The following PTPRA variants were observed in gnomAD, a reference collection of about 807,000 sequenced individuals.
The protein encoded by PTPRA is protein tyrosine phosphatase receptor type A, also known as receptor-type tyrosine-protein phosphatase alpha.
A neutral mutation model predicts 104.8 loss-of-function variants in PTPRA; 25 were observed. The observed-to-expected ratio is 0.24, with a 90% CI of 0.17 to 0.33. The LOEUF is 0.33. Ranked by LOEUF, PTPRA falls within the 10% of genes least tolerant of loss-of-function variation. The probability of loss-of-function intolerance (pLI) is 1.00; values close to 1 mark genes in which losing one functional copy is unlikely to be tolerated. For synonymous variants in PTPRA, 323 were observed against 368.9 expected, an observed-to-expected ratio of 0.88 and a Z score of 1.43; for missense variants, 765 against 1,015.3, an observed-to-expected ratio of 0.75 and a Z score of 3.35.
At chr20:2,988,203 G>A in intron 8 of PTPRA, 98 bp downstream of exon 8, 3 of 1,512,266 alleles carry the variant, frequency 2.0e-6, no homozygotes, top group Admixed American at 4.0e-5. Flanking sequence ...ACAATAAAAA[G>A]AGGAAAAAAG....
At chr20:2,981,116 C>G (rs1430479763) in intron 6 of PTPRA, among the ~76,000 whole-genome samples, 1 of 151,802 alleles carries the variant, frequency 6.6e-6, no homozygotes, top group Non-Finnish European at 1.5e-5. Flanking sequence ...GCAGTGTAGA[C>G]CTGCTCTGGT....
At chr20:2,923,496 T>TTA (rs1035786433) in intron 2 of PTPRA, among the ~76,000 whole-genome samples, 30 of 149,966 alleles carry the variant, frequency 2.0e-4, no homozygotes, top group Admixed American at 2.0e-3. Context: ...TTTTTTTTTT[T>TTA]AAAAAAAAAG....
intron 9 of PTPRA, among the ~76,000 whole-genome samples, chr20:2,997,072 T>C (rs1035896342): frequency 1.3e-5 from 2 of 152,252 alleles, no homozygotes; most frequent in African/African-American, 4.8e-5. Context: ...TATGATATTC[T>C]ATACTATCAT....
chr20:3,000,253 A>C (rs1462613462), intron 9 of PTPRA, among the ~76,000 whole-genome samples: 1 of 152,162 alleles, frequency 6.6e-6, no homozygotes, highest in African/African-American at 2.4e-5. Flanking sequence ...GCGCCACTGC[A>C]CTCCAGTCTG....
intron 20 of PTPRA, among the ~76,000 whole-genome samples, chr20:3,029,343 G>A (rs1031078755): frequency 1.3e-5 from 2 of 151,794 alleles, no homozygotes; most frequent in Non-Finnish European, 2.9e-5. Flanking sequence ...GTTTCACCAT[G>A]TTGCCCAGGC....
In PTPRA at chr20:2,878,685, A is replaced by G. The variant is rs117928491; in HGVS notation, c.-129+4925A>G. ...GGATACAGTTTCGGTGCCTAATTGC[A>G]ATCTGGAAAGGTTGAACTAGTTTCC... On this transcript the variant is annotated intron_variant, in intron 1 of 23. Coordinates refer to ENST00000399903, the MANE Select transcript of PTPRA (RefSeq NM_001385305.1). 6.4e-4 allele frequency among the ~76,000 whole-genome samples: 97 copies of G among 152,360 alleles called. No homozygotes were observed. In the East Asian group the frequency reaches 0.017, roughly 26 times the overall value.
At chr20:2,941,299 G>T (rs1163066108) in intron 2 of PTPRA, among the ~76,000 whole-genome samples, 1 of 152,114 alleles carries the variant, frequency 6.6e-6, no homozygotes, top group Non-Finnish European at 1.5e-5. Context: ...CCAAAGTGCT[G>T]GGATTACAGG....
intron 3 of PTPRA, among the ~76,000 whole-genome samples, chr20:2,954,898 T>G (rs2061481613): frequency 6.6e-6 from 1 of 152,218 alleles, no homozygotes; most frequent in Non-Finnish European, 1.5e-5. Context: ...GGTCCAGCGT[T>G]ATTGTTTCAC....
Position 2,987,709 on chromosome 20 carries a change from C to G in PTPRA, c.528-323C>G, listed in dbSNP as rs187094190. The stretch of plus-strand genomic sequence containing the variant: ...AAGATTTTTGTTTGATATATATTGT[C>G]TGTCTCCCCCAGCTGTATTCCACCC... On this transcript the variant is annotated intron_variant, in intron 7 of 23. Coordinates refer to ENST00000399903, the MANE Select transcript of PTPRA (RefSeq NM_001385305.1). Among the ~76,000 whole-genome samples the G allele has an allele frequency of 5.9e-5, 9 of 152,312 alleles. No individual in the cohort carries two copies. In the East Asian group the frequency reaches 1.7e-3, roughly 29 times the overall value.
upstream of PTPRA, among the ~76,000 whole-genome samples, chr20:2,870,706 G>T (rs1194821483): frequency 6.6e-6 from 1 of 152,212 alleles, no homozygotes; most frequent in Non-Finnish European, 1.5e-5. Flanking sequence ...AGAAACAGGA[G>T]TCCTTTCCCC....
intron 5 of PTPRA, among the ~76,000 whole-genome samples, chr20:2,973,939 TTTTG>T (rs1341189512): frequency 6.6e-6 from 1 of 151,480 alleles, no homozygotes; most frequent in Non-Finnish European, 1.5e-5. Flanking sequence ...ATTTTGGGTT[TTTTG>T]TTTGTCTGAT....
chr20:3,026,628 A>C, intron 17 of PTPRA, 59 bp from the exon 18 acceptor site: 1 of 1,379,930 alleles, frequency 7.2e-7, no homozygotes, highest in Non-Finnish European at 1.0e-6. Context: ...GGACAGGCAT[A>C]ATCTTGTCAA....
At chr20:3,036,002 C>A in intron 22 of PTPRA, 61 bp downstream of exon 22, 1 of 1,608,212 alleles carries the variant, frequency 6.2e-7, no homozygotes, top group Non-Finnish European at 8.5e-7. Flanking sequence ...ATAGGGGAAG[C>A]TGATGACCAT....
chr20:3,019,563 G>A (rs1298277018), intron 13 of PTPRA, among the ~76,000 whole-genome samples: 1 of 150,408 alleles, frequency 6.6e-6, no homozygotes, highest in Admixed American at 6.6e-5. Context: ...GATGGCGGCC[G>A]GGCAGAGACT....
intron 6 of PTPRA, among the ~76,000 whole-genome samples, chr20:2,977,851 A>T (rs940269655): frequency 6.6e-6 from 1 of 152,074 alleles, no homozygotes; most frequent in Middle Eastern, 3.2e-3. Context: ...ATATGTGAAC[A>T]TCAGGAACCG....
intron 9 of PTPRA, among the ~76,000 whole-genome samples, chr20:2,988,842 C>T (rs2063018540): frequency 1.3e-5 from 2 of 152,208 alleles, no homozygotes; most frequent in African/African-American, 4.8e-5. Flanking sequence ...GGAAACCTCA[C>T]AAACAAGAAC....
chr20:2,939,487 G>T (rs1358368736), intron 2 of PTPRA, among the ~76,000 whole-genome samples: 1 of 152,158 alleles, frequency 6.6e-6, no homozygotes, highest in Non-Finnish European at 1.5e-5. Context: ...GTGAGGAAAA[G>T]GAGGGGTACC....
intron 1 of PTPRA, among the ~76,000 whole-genome samples, chr20:2,900,144 C>CT (rs60644745): frequency 0.048 from 7,005 of 145,904 alleles, 376 homozygotes; most frequent in Admixed American, 0.11. Flanking sequence ...AAATCTGCCT[C>CT]CTTTTTTTTT....
intron 2 of PTPRA, among the ~76,000 whole-genome samples, chr20:2,944,455 G>A (rs1014210785): frequency 8.5e-5 from 13 of 152,262 alleles, no homozygotes; most frequent in African/African-American, 3.1e-4. Context: ...TGTTGATTGG[G>A]CCTCTCTCTT....
Sources: allele counts gnomAD v4.1 joint callset (sites outside exome capture counted in the v4.1 genomes callset), GRCh38; gene constraint gnomAD v4.1.1; transcripts MANE v1.5; gene names NCBI Gene and HGNC (gene_info 2026-07-23, HGNC 2026-07-21).